Variants in CAPZA1 observed in about 807,000 individuals in gnomAD.
The protein encoded by CAPZA1 is capping actin protein of muscle Z-line subunit alpha 1.
Under a neutral mutation model 40.8 loss-of-function variants are expected in CAPZA1, and 10 were observed. That is an observed-to-expected ratio of 0.25 (90% CI 0.15 to 0.42). CAPZA1 has a LOEUF of 0.42. CAPZA1 is among the 10% of genes least tolerant of loss of function. The pLI is 1.00. For missense variants in CAPZA1, 277 were observed against 353.8 expected, an observed-to-expected ratio of 0.78 and a Z score of 1.74; for synonymous variants, 98 against 115.0, an observed-to-expected ratio of 0.85 and a Z score of 0.95.
At chr1:112,649,781 G>A in intron 3 of CAPZA1, 1 of 364,566 alleles carries the variant, frequency 2.7e-6, no homozygotes, top group South Asian at 3.8e-5. Flanking sequence ...TTTTTAAACA[G>A]CTAGCTATAC....
At chr1:112,621,452 T>A (rs887486234) in intron 1 of CAPZA1, among the ~76,000 whole-genome samples, 1 of 152,102 alleles carries the variant, frequency 6.6e-6, no homozygotes, top group African/African-American at 2.4e-5. Flanking sequence ...GGGTTTCGTC[T>A]TGTTGCCCAG....
At chr1:112,621,025 G>A (rs1422222562) in intron 1 of CAPZA1, among the ~76,000 whole-genome samples, 1 of 152,166 alleles carries the variant, frequency 6.6e-6, no homozygotes, top group East Asian at 1.9e-4. Context: ...GAAGGGGACT[G>A]TTATGATCCA....
chr1:112,620,725 T>C (rs1239821894), intron 1 of CAPZA1: 1 of 152,234 alleles, frequency 6.6e-6, no homozygotes, highest in Non-Finnish European at 1.5e-5. Context: ...CAGTTGAATT[T>C]GTCAGTGTGC....
chr1:112,629,992 C>G (rs1280420610), intron 1 of CAPZA1, among the ~76,000 whole-genome samples: 2 of 152,134 alleles, frequency 1.3e-5, no homozygotes, highest in African/African-American at 4.8e-5. Flanking sequence ...CTTATGTTAT[C>G]TGTACTACTG....
intron 1 of CAPZA1, among the ~76,000 whole-genome samples, chr1:112,633,625 G>A (rs1302287011): frequency 2.6e-5 from 4 of 152,088 alleles, no homozygotes; most frequent in Non-Finnish European, 4.4e-5. Context: ...GTGAATTTCC[G>A]AATCATATGG....
At chr1:112,639,551 C>A (rs1478240156) in intron 1 of CAPZA1, among the ~76,000 whole-genome samples, 1 of 152,192 alleles carries the variant, frequency 6.6e-6, no homozygotes, top group East Asian at 1.9e-4. Context: ...GGTCAAAGGT[C>A]TTGGTCAAGA....
At chr1:112,664,246 AAAAG>A (rs201505469) in intron 7 of CAPZA1, among the ~76,000 whole-genome samples, 4,534 of 151,736 alleles carry the variant, frequency 0.03, 247 homozygotes, top group African/African-American at 0.1. Flanking sequence ...AAAAAAAAAA[AAAAG>A]ATACTTATTT....
At chr1:112,656,970 C>T (rs987320512) in intron 5 of CAPZA1, among the ~76,000 whole-genome samples, 5 of 148,506 alleles carry the variant, frequency 3.4e-5, no homozygotes, top group East Asian at 2.0e-4. Context: ...GGTGTGGTCT[C>T]GGCTCACTGC....
intron 3 of CAPZA1, 27 bp downstream of exon 3, chr1:112,649,496 A>G: frequency 1.3e-6 from 2 of 1,551,008 alleles, no homozygotes; most frequent in Non-Finnish European, 1.8e-6. Flanking sequence ...ATCCACTTAG[A>G]ATGTTACTCT....
rs1384638156 is a variant in CAPZA1, at chr1:112,669,451, C to T, written c.658-92C>T. 3.4e-6 allele frequency: 3 copies of T among 875,678 alleles called. No homozygotes were observed. In the East Asian group the frequency reaches 7.4e-5, roughly 22 times the overall value. The allele number at this position is 875,678 out of a possible 1,614,324, so 54.2% of individuals were successfully genotyped here. A position where few individuals can be genotyped will look rare whatever the true frequency, so the allele number is the denominator to read the frequency against. On this transcript the variant is annotated intron_variant, in intron 8 of 9. Coordinates refer to ENST00000263168, the MANE Select transcript of CAPZA1 (RefSeq NM_006135.3). ...ACTTGGAAAACTAGAAATTGTCATA[C>T]AAATGTTAGTTAAGATGGACTTACT...
intron 8 of CAPZA1, among the ~76,000 whole-genome samples, chr1:112,667,510 A>G (rs889640583): frequency 2.0e-5 from 3 of 152,168 alleles, no homozygotes; most frequent in Admixed American, 1.3e-4. Flanking sequence ...GGAGTATTCA[A>G]TTAGAATGTT....
chr1:112,667,396 A>G, intron 8 of CAPZA1, among the ~76,000 whole-genome samples: 1 of 152,232 alleles, frequency 6.6e-6, no homozygotes, highest in African/African-American at 2.4e-5. Flanking sequence ...ATAGTTACTC[A>G]AGGACAGCAA....
At chr1:112,649,570 AAGTAAAGCAG>A in intron 3 of CAPZA1, 101 bp downstream of exon 3, 1 of 958,732 alleles carries the variant, frequency 1.0e-6, no homozygotes, top group Non-Finnish European at 1.6e-6. Flanking sequence ...AAATACTTCA[AAGTAAAGCAG>A]TTGGTTTTAG....
intron 1 of CAPZA1, among the ~76,000 whole-genome samples, chr1:112,637,323 G>A (rs1422014242): frequency 6.6e-6 from 1 of 152,254 alleles, no homozygotes; most frequent in Non-Finnish European, 1.5e-5. Flanking sequence ...TTCCTAGCAT[G>A]TTCTAGGTCT....
chr1:112,635,173 A>C (rs1444589127), intron 1 of CAPZA1, among the ~76,000 whole-genome samples: 1 of 152,174 alleles, frequency 6.6e-6, no homozygotes, highest in African/African-American at 2.4e-5. Flanking sequence ...CACTTTGAAC[A>C]CTTTTTACGG....
intron 1 of CAPZA1, among the ~76,000 whole-genome samples, chr1:112,640,678 G>A (rs1212867600): frequency 6.6e-6 from 1 of 152,208 alleles, no homozygotes; most frequent in Non-Finnish European, 1.5e-5. Context: ...CTGCTGGAAA[G>A]TGAGGAGCCC....
chr1:112,644,816 GATACTGCCAAATATCT>G (rs1294001744), intron 1 of CAPZA1, among the ~76,000 whole-genome samples: 22 of 152,102 alleles, frequency 1.4e-4, no homozygotes, highest in Non-Finnish European at 2.8e-4. Flanking sequence ...ACTATGTATA[GATACTGCCAAATATCT>G]ATATATTGGT....
chr1:112,647,741 A>G (rs750768076), intron 2 of CAPZA1, among the ~76,000 whole-genome samples: 17 of 152,188 alleles, frequency 1.1e-4, no homozygotes, highest in Non-Finnish European at 2.2e-4. Context: ...ATTCACATTC[A>G]TTAGATCTGA....
At chr1:112,643,157 A>G (rs1441087735) in intron 1 of CAPZA1, among the ~76,000 whole-genome samples, 2 of 152,216 alleles carry the variant, frequency 1.3e-5, no homozygotes, top group Non-Finnish European at 2.9e-5. Context: ...ATTGATACCA[A>G]CAGTTGAAAA....
Sources: gnomAD v4.1 joint callset for allele counts (sites outside exome capture counted in the v4.1 genomes callset) on GRCh38, gnomAD v4.1.1 for gene constraint, MANE v1.5 for transcripts, NCBI Gene and HGNC (gene_info 2026-07-23, HGNC 2026-07-21) for gene names.